The following OSBPL9 variants were observed in gnomAD, a reference collection of about 807,000 sequenced individuals.
OSBPL9 encodes the protein oxysterol-binding protein-related protein 9.
In OSBPL9, 40 loss-of-function variants were observed where a neutral mutation model predicts 106.6. The observed-to-expected ratio is 0.38, with a 90% confidence interval of 0.29 to 0.49. The LOEUF is 0.49. Ranked by LOEUF, OSBPL9 falls within the 20% of genes least tolerant of loss-of-function variation. The pLI is 0.97. For synonymous variants in OSBPL9, 269 were observed against 295.4 expected (o/e 0.91, Z 0.92); for missense variants, 609 against 887.2 (o/e 0.69, Z 3.98).
chr1:51,728,412 A>AGT (rs984638919), intron 4 of OSBPL9, among the ~76,000 whole-genome samples: 73 of 152,234 alleles, frequency 4.8e-4, no homozygotes, highest in African/African-American at 1.7e-3. Flanking sequence ...CAGAATGGAG[A>AGT]GTGTATTTAG....
intron 1 of OSBPL9, among the ~76,000 whole-genome samples, chr1:51,578,827 G>T (rs911544729): frequency 6.6e-6 from 1 of 152,148 alleles, no homozygotes; most frequent in Non-Finnish European, 1.5e-5. Flanking sequence ...CAAGTAAACA[G>T]ACAAGTCAAA....
chr1:51,664,550 C>T (rs577264617), intron 2 of OSBPL9, among the ~76,000 whole-genome samples: 6 of 151,988 alleles, frequency 3.9e-5, no homozygotes, highest in African/African-American at 1.2e-4. Flanking sequence ...ATTAGCCGGG[C>T]GTGTGGTGAT....
At chr1:51,762,050 G>T in intron 11 of OSBPL9, 79 bp downstream of exon 11, 1 of 1,009,300 alleles carries the variant, frequency 9.9e-7, no homozygotes, top group East Asian at 2.4e-5. Context: ...GATGAGGAGG[G>T]GGAAAGTTGA....
At chr1:51,761,716 T>C in intron 10 of OSBPL9, 151 bp from the exon 11 acceptor site, 1 of 578,630 alleles carries the variant, frequency 1.7e-6, no homozygotes, top group Non-Finnish European at 3.1e-6. Context: ...GGCTAGGAAG[T>C]CAAAAGGAAG....
intron 1 of OSBPL9, among the ~76,000 whole-genome samples, chr1:51,644,617 C>G (rs917035040): frequency 2.0e-5 from 3 of 152,102 alleles, no homozygotes; most frequent in African/African-American, 4.8e-5. Flanking sequence ...GGTGAGCCAC[C>G]GCGCCCAGCC....
At chr1:51,554,241 T>G in the OSBPL9 span, among the ~76,000 whole-genome samples, 3 of 152,104 alleles carry the variant, frequency 2.0e-5, no homozygotes, top group Non-Finnish European at 4.4e-5. Flanking sequence ...AGATGCATAA[T>G]TGTAGCTGAA....
chr1:51,519,771 A>G, the OSBPL9 span, among the ~76,000 whole-genome samples: 1 of 152,244 alleles, frequency 6.6e-6, no homozygotes, highest in South Asian at 2.1e-4. Context: ...TGTCTTACTA[A>G]GGTCATACAG....
At chr1:51,682,526 G>A (rs766777160) in intron 3 of OSBPL9, among the ~76,000 whole-genome samples, 5 of 152,076 alleles carry the variant, frequency 3.3e-5, no homozygotes, top group Non-Finnish European at 5.9e-5. Context: ...TTGGGAGGCC[G>A]AGGCAGGCAG....
chr1:51,572,489 A>G (rs1645156575), upstream of OSBPL9, among the ~76,000 whole-genome samples: 1 of 152,136 alleles, frequency 6.6e-6, no homozygotes, highest in Non-Finnish European at 1.5e-5. Flanking sequence ...CGTCACACTA[A>G]GCTCCTCTAG....
upstream of OSBPL9, among the ~76,000 whole-genome samples, chr1:51,575,453 C>T (rs563429163): frequency 6.6e-5 from 10 of 151,840 alleles, no homozygotes; most frequent in East Asian, 1.7e-3. Flanking sequence ...TCAAGTGATC[C>T]GCCTGCCTCG....
chr1:51,698,206 A>G (rs1656479869), intron 3 of OSBPL9, among the ~76,000 whole-genome samples: 1 of 152,182 alleles, frequency 6.6e-6, no homozygotes, highest in Non-Finnish European at 1.5e-5. Flanking sequence ...TTTGGACCCA[A>G]GAGTCAGCCC....
the OSBPL9 span, among the ~76,000 whole-genome samples, chr1:51,571,322 T>C: frequency 6.6e-6 from 1 of 152,298 alleles, no homozygotes; most frequent in African/African-American, 2.4e-5. Context: ...CCAGGCTCTG[T>C]GGTAAACACT....
At chr1:51,762,633 A>T (rs1317928308) in intron 11 of OSBPL9, among the ~76,000 whole-genome samples, 1 of 151,310 alleles carries the variant, frequency 6.6e-6, no homozygotes, top group African/African-American at 2.4e-5. Context: ...AGTCCTCTTT[A>T]CTCTCCCCCC....
rs757357042 is a variant in OSBPL9 at position 51,707,879 on chromosome 1, G to C, written c.242-6124G>C. The C allele has an allele frequency of 2.6e-5, 6 of 229,378 alleles. 1 individual carries two copies. Among genetic ancestry groups the C allele is most frequent in the Non-Finnish European group, 5.4e-5 (6 of 111,438 alleles). The allele number at this position is 229,378 out of a possible 1,614,324, so 14.2% of individuals were successfully genotyped here. On this transcript the variant is annotated intron_variant, in intron 3 of 23. Transcript: ENST00000428468. ...ACCCAACAACATAGTCAGCACCAGTGTCACCCCCATTTGATTTTGGTGGGA... is the reference window on the plus strand; with the variant it reads ...ACCCAACAACATAGTCAGCACCAGTCTCACCCCCATTTGATTTTGGTGGGA...
At chr1:51,780,940 C>A (rs1199557725) in intron 15 of OSBPL9, among the ~76,000 whole-genome samples, 2 of 151,964 alleles carry the variant, frequency 1.3e-5, no homozygotes, top group Non-Finnish European at 2.9e-5. Flanking sequence ...ACCACCTGTT[C>A]CCCAAAAACC....
intron 2 of OSBPL9, among the ~76,000 whole-genome samples, chr1:51,604,271 T>G (rs1643918634): frequency 6.6e-6 from 1 of 152,146 alleles, no homozygotes. Flanking sequence ...AAAAATTCAT[T>G]AGGGCTGGGT....
intron 4 of OSBPL9, chr1:51,745,320 A>T: frequency 1.8e-6 from 1 of 544,262 alleles, no homozygotes; most frequent in South Asian, 2.5e-5. Context: ...AGCATGTGTA[A>T]CTGCTGAGAA....
the OSBPL9 span, among the ~76,000 whole-genome samples, chr1:51,556,626 A>G: frequency 6.6e-6 from 1 of 152,046 alleles, no homozygotes; most frequent in East Asian, 1.9e-4. Context: ...CTCTGCTAAA[A>G]ATACAAAAAA....
chr1:51,731,055 C>A (rs75503222), intron 4 of OSBPL9, among the ~76,000 whole-genome samples: 1 of 151,114 alleles, frequency 6.6e-6, no homozygotes, highest in Non-Finnish European at 1.5e-5. Flanking sequence ...CTCCCCCCCA[C>A]CTTTTTTTTT....
Sources: gnomAD v4.1 joint callset for allele counts (sites outside exome capture counted in the v4.1 genomes callset) on GRCh38, gnomAD v4.1.1 for gene constraint, MANE v1.5 for transcripts, NCBI Gene and HGNC (gene_info 2026-07-23, HGNC 2026-07-21) for gene names.